Variants in ZNF827 observed in about 807,000 individuals in gnomAD.
The protein encoded by ZNF827 is zinc finger protein 827.
ZNF827 carries 13 observed loss-of-function variants against 102.4 expected under a neutral mutation model. The ratio of observed to expected loss-of-function variants is 0.13; its 90% confidence interval spans 0.08 to 0.20. The LOEUF is 0.20. Ranked by LOEUF, ZNF827 falls within the 10% of genes least tolerant of loss-of-function variation. The pLI is 1.00. For missense variants in ZNF827, 1,103 were observed against 1,344.4 expected, an observed-to-expected ratio of 0.82 and a Z score of 2.81; for synonymous variants, 523 against 536.2, an observed-to-expected ratio of 0.98 and a Z score of 0.34.
Position 145,902,352 on chromosome 4 carries a change from G to A in ZNF827, c.907C>T (p.Leu303=). The A allele has an allele frequency of 1.2e-6, 2 of 1,609,012 alleles. No individual in the cohort carries two copies. Among genetic ancestry groups the A allele is most frequent in the Non-Finnish European group, 1.7e-6 (2 of 1,176,760 alleles). Residue 303 remains leucine (L), a synonymous_variant, in exon 2 of 15, where the codon CTG becomes TTG. Transcript: ENST00000508784. This position sits in a 1 kb window ranked among gnomAD's most constrained non-coding sequence, Gnocchi z 4.3. ...GGCAGCAGCGATGATTTCTCAGCCA[G>A]AAGACTGCCCGCAGCCCTTGCGGCC... ...EVAARAAGSL[L]AEKSSLLPED...
chr4:145,851,530 T>C (rs1746533826), intron 5 of ZNF827, among the ~76,000 whole-genome samples: 1 of 152,216 alleles, frequency 6.6e-6, no homozygotes, highest in African/African-American at 2.4e-5. Flanking sequence ...AAGAGCATTT[T>C]AACCTAAATG....
intron 5 of ZNF827, among the ~76,000 whole-genome samples, chr4:145,851,459 C>T (rs1287916234): frequency 1.3e-5 from 2 of 152,012 alleles, no homozygotes. Flanking sequence ...CCCTGGAAAG[C>T]ATGACATGGG....
intron 8 of ZNF827, among the ~76,000 whole-genome samples, chr4:145,809,839 C>A (rs1433218759): frequency 6.6e-6 from 1 of 152,124 alleles, no homozygotes; most frequent in East Asian, 1.9e-4. Flanking sequence ...CCCCTGCCCA[C>A]CAAATTATCC....
chr4:145,888,497 T>G (rs1408641954), intron 3 of ZNF827, among the ~76,000 whole-genome samples: 3 of 152,234 alleles, frequency 2.0e-5, no homozygotes, highest in Non-Finnish European at 4.4e-5. Context: ...GGGCCATCTC[T>G]TCACCATTGG....
intron 4 of ZNF827, among the ~76,000 whole-genome samples, chr4:145,872,052 C>T (rs1238265177): frequency 6.6e-6 from 1 of 152,184 alleles, no homozygotes; most frequent in Non-Finnish European, 1.5e-5. Flanking sequence ...TCTGATCATC[C>T]TGTTCAAAAC....
At chr4:145,823,356 A>C (rs1407547867) in intron 8 of ZNF827, 66 bp downstream of exon 8, 1 of 1,336,632 alleles carries the variant, frequency 7.5e-7, no homozygotes, top group African/African-American at 1.4e-5. Context: ...CTGAAAATTC[A>C]CACATTTCAG....
At chr4:145,914,062 G>GAC (rs34866639) in intron 1 of ZNF827, among the ~76,000 whole-genome samples, 5,581 of 148,050 alleles carry the variant, frequency 0.038, 119 homozygotes, top group African/African-American at 0.048. Flanking sequence ...TTTCTTTGTA[G>GAC]ACACACACAC....
intron 1 of ZNF827, among the ~76,000 whole-genome samples, chr4:145,912,864 G>C (rs1262791887): frequency 6.6e-6 from 1 of 152,210 alleles, no homozygotes; most frequent in African/African-American, 2.4e-5. Context: ...GCACTGGTTT[G>C]TGATACTTTA....
chr4:145,847,674 G>A (rs1379908687), intron 6 of ZNF827, among the ~76,000 whole-genome samples: 1 of 152,102 alleles, frequency 6.6e-6, no homozygotes, highest in Non-Finnish European at 1.5e-5. Context: ...CAAATGTGAG[G>A]ACCCTACACT....
chr4:145,871,644 C>T (rs1176412150), intron 4 of ZNF827, among the ~76,000 whole-genome samples: 1 of 152,134 alleles, frequency 6.6e-6, no homozygotes, highest in East Asian at 1.9e-4. Flanking sequence ...TAGAATGAGC[C>T]TTAAGTCCAT....
At chr4:145,834,515 G>A (rs1052356308) in intron 7 of ZNF827, among the ~76,000 whole-genome samples, 3 of 151,916 alleles carry the variant, frequency 2.0e-5, no homozygotes, top group Admixed American at 6.6e-5. Context: ...CTCACACCTG[G>A]TCCGGCTTAC....
At chr4:145,925,946 T>C (rs1753388613) in intron 1 of ZNF827, among the ~76,000 whole-genome samples, 1 of 152,246 alleles carries the variant, frequency 6.6e-6, no homozygotes. Context: ...TCTTATAAAA[T>C]CAAATGTATA....
At chr4:145,852,109 C>T (rs181763723) in intron 5 of ZNF827, among the ~76,000 whole-genome samples, 260 of 152,260 alleles carry the variant, frequency 1.7e-3, no homozygotes, top group African/African-American at 5.8e-3. Flanking sequence ...ATTGTAAGGC[C>T]TGGGGACAAA....
At chr4:145,849,840 T>A (rs113745976) in intron 5 of ZNF827, among the ~76,000 whole-genome samples, 2 of 152,340 alleles carry the variant, frequency 1.3e-5, no homozygotes, top group Admixed American at 6.5e-5. Flanking sequence ...AGCTGGAGCC[T>A]ATGTTTCTTG....
chr4:145,914,256 A>G (rs1752514551), intron 1 of ZNF827, among the ~76,000 whole-genome samples: 1 of 152,220 alleles, frequency 6.6e-6, no homozygotes, highest in South Asian at 2.1e-4. Flanking sequence ...GGGAAAAGAG[A>G]CAAAATAGAT....
chr4:145,759,659 AAAG>A lies in ZNF827; in HGVS notation c.*1954_*1956del, dbSNP rs1217790926. 1 of 152,136 alleles carries A rather than the reference AAAG, an allele frequency of 6.6e-6. No individual in the cohort carries two copies. Among genetic ancestry groups the A allele is most frequent in the African/African-American group, 2.4e-5 (1 of 41,388 alleles). 9.4% of individuals were successfully genotyped at this position (152,136 alleles called of 1,614,324 possible). On this transcript the variant is annotated 3_prime_UTR_variant, in exon 15 of 15. Transcript: ENST00000508784. ...ACATACAGTCTACTCATTCCATAAA[AAAG>A]GTACATTTTCTTCCTTTTATTTTAC...
chr4:145,835,430 A>G (rs1302152637), intron 7 of ZNF827: 1 of 148,142 alleles, frequency 6.8e-6, no homozygotes, highest in Admixed American at 6.6e-5. Flanking sequence ...AAAACTCCCC[A>G]ACTCTGGTGC....
At chr4:145,787,407 A>T (rs1346616776) in intron 8 of ZNF827, among the ~76,000 whole-genome samples, 1 of 147,646 alleles carries the variant, frequency 6.8e-6, no homozygotes, top group East Asian at 2.0e-4. Context: ...GATTGCAGTG[A>T]GCTGAGACCA....
intron 5 of ZNF827, among the ~76,000 whole-genome samples, chr4:145,851,444 G>C (rs1373778258): frequency 6.6e-6 from 1 of 152,116 alleles, no homozygotes; most frequent in African/African-American, 2.4e-5. Flanking sequence ...AAAAAGCTAT[G>C]CTTTCCCTGG....
Sources: allele counts gnomAD v4.1 joint callset (sites outside exome capture counted in the v4.1 genomes callset), GRCh38; gene constraint gnomAD v4.1.1; non-coding constraint Gnocchi (gnomAD v3.1); transcripts MANE v1.5; gene names NCBI Gene and HGNC (gene_info 2026-07-23, HGNC 2026-07-21).